Variants in TAS1R3 observed in about 807,000 individuals in gnomAD.
TAS1R3 encodes taste 1 receptor member 3, also known as taste receptor type 1 member 3.
In TAS1R3, 58 loss-of-function variants were observed where a neutral mutation model predicts 46.1. That is an observed-to-expected ratio of 1.26 (90% CI 1.02 to 1.57). The LOEUF (loss-of-function observed/expected upper bound fraction) is 1.57. Among genes scored for constraint, TAS1R3 ranks in the 40% most tolerant of loss-of-function variants. The pLI is 0.00. For synonymous variants in TAS1R3, 724 were observed against 544.7 expected, an observed-to-expected ratio of 1.33 and a Z score of -4.58; for missense variants, 1,422 against 1,185.8, an observed-to-expected ratio of 1.20 and a Z score of -2.93.
chr1:1,331,752 G>A lies in TAS1R3; in HGVS notation c.306G>A (p.Thr102=), dbSNP rs374384934. Residue 102 remains threonine, a synonymous_variant, in exon 2 of 6, where the codon ACG becomes ACA. Coordinates refer to ENST00000339381, the MANE Select transcript of TAS1R3 (RefSeq NM_152228.3). ...GCCTGGGCTACGACCTCTTTGATACGTGCTCGGAGCCTGTGGTGGCCATGA... is the reference window on the plus strand; with the variant it reads ...GCCTGGGCTACGACCTCTTTGATACATGCTCGGAGCCTGTGGTGGCCATGA... ...GLRLGYDLFD[T]CSEPVVAMKP... is the part of the protein sequence containing the mutation. The A allele has an allele frequency of 2.2e-5, 35 of 1,612,914 alleles. No individual in the cohort carries two copies. The highest frequency in any genetic ancestry group is 4.5e-5 in the East Asian group (2 of 44,886).
Position 1,332,373 on chromosome 1 carries a change from A to C in TAS1R3, c.842A>C (p.His281Pro), listed in dbSNP as rs1317341358. The C allele has an allele frequency of 8.1e-6, 13 of 1,595,614 alleles. No homozygotes were observed. Among genetic ancestry groups the C allele is most frequent in the Non-Finnish European group, 7.7e-6 (9 of 1,172,412 alleles). Residue 281 changes from histidine (H) to proline (P), a missense_variant, in exon 3 of 6, where the codon CAC becomes CCC. By Grantham distance (77) the His-to-Pro change is moderately conservative. Coordinates refer to ENST00000339381, the MANE Select transcript of TAS1R3 (RefSeq NM_152228.3). ...CTGTTCGCCTCCGTGCACGCCGCCCACGCCCTCTTCAACTACAGCATCAGC... is the reference window on the plus strand; with the variant it reads ...CTGTTCGCCTCCGTGCACGCCGCCCCCGCCCTCTTCAACTACAGCATCAGC... ...VLLFASVHAA[H>P]ALFNYSISSR...
In TAS1R3 at chr1:1,333,111, C is replaced by T. The variant is rs529665730; in HGVS notation, c.1466C>T (p.Thr489Met). 31 of 1,611,556 alleles carry T rather than the reference C, an allele frequency of 1.9e-5. No homozygotes were observed. The highest frequency in any genetic ancestry group is 7.7e-5 in the South Asian group (7 of 91,044). The change falls in exon 4 of 6, where the codon ACG becomes ATG. Residue 489 changes from threonine (T) to methionine (M), a missense_variant. Coordinates refer to ENST00000339381, the MANE Select transcript of TAS1R3 (RefSeq NM_152228.3). ...RTERLKIRWHTSDNQKPVSRC... is the reference protein window; with the variant it reads ...RTERLKIRWHMSDNQKPVSRC... Reference sequence around the variant, plus strand: ...GAGCGCCTGAAGATCCGCTGGCACACGTCTGACAACCAGGTGAGGTGAGGG... The same window carrying T: ...GAGCGCCTGAAGATCCGCTGGCACATGTCTGACAACCAGGTGAGGTGAGGG...
At position 1,333,970 on chromosome 1, in the gene TAS1R3, A is replaced by T; in HGVS notation, c.2065A>T (p.Met689Leu). 1 of 1,600,774 alleles carries T rather than the reference A, an allele frequency of 6.2e-7. No individual in the cohort carries two copies. The highest frequency in any genetic ancestry group is 1.7e-5 in the Admixed American group (1 of 59,984). ...GGCCTGGCTGGTGGTGCTGCTGGCC[A>T]TGCTGGTGGAGGTCGCACTGTGCAC... Reference protein sequence around the residue: ...PWAWLVVLLAMLVEVALCTWY... With the variant: ...PWAWLVVLLALLVEVALCTWY... The change falls in exon 6 of 6, where the codon ATG (methionine) becomes TTG (leucine). Residue 689 changes from methionine to leucine, a missense_variant. Coordinates refer to ENST00000339381, the MANE Select transcript of TAS1R3 (RefSeq NM_152228.3).
Position 1,334,255 on chromosome 1 carries a change from A to T in TAS1R3, c.2350A>T (p.Asn784Tyr). The change falls in exon 6 of 6, where the codon AAT (asparagine) becomes TAT (tyrosine). Residue 784 changes from asparagine to tyrosine, a missense_variant. Coordinates refer to ENST00000339381, the MANE Select transcript of TAS1R3 (RefSeq NM_152228.3). ...GGTCTCCTTTGTGCCCCTCCTGGCC[A>T]ATGTGCAGGTGGTCCTCAGGCCCGC... Reference protein sequence around the residue: ...TWVSFVPLLANVQVVLRPAVQ... With the variant: ...TWVSFVPLLAYVQVVLRPAVQ... The T allele has an allele frequency of 6.2e-7, 1 of 1,612,056 alleles. No individual in the cohort carries two copies. Among genetic ancestry groups the T allele is most frequent in the Non-Finnish European group, 8.5e-7 (1 of 1,179,630 alleles).
chr1:1,332,867 C>T (rs1339371619), intron 3 of TAS1R3, 54 bp from the exon 4 acceptor site: 1 of 1,587,616 alleles, frequency 6.3e-7, no homozygotes, highest in Non-Finnish European at 8.6e-7. Flanking sequence ...CAGGCACGGC[C>T]ACCACGCCTG....
chr1:1,332,722 G>A lies in TAS1R3; in HGVS notation c.1191G>A (p.Val397=), dbSNP rs755778174. 2.5e-6 allele frequency: 4 copies of A among 1,604,322 alleles called. No individual in the cohort carries two copies. The highest frequency in any genetic ancestry group is 2.2e-5 in the South Asian group (2 of 91,042). ...HHQTFSVYAA[V]YSVAQALHNT... ...AGACGTTCTCTGTCTACGCAGCTGT[G>A]TATAGCGTGGCCCAGGCCCTGCACA... Residue 397 remains valine, a synonymous_variant, in exon 3 of 6, where the codon GTG becomes GTA. Transcript: ENST00000339381.
Position 1,331,958 on chromosome 1 carries a change from A to AAACCCC in TAS1R3, c.492+20_492+21insAACCCC. 3 of 1,539,150 alleles carry AAACCCC rather than the reference A, an allele frequency of 1.9e-6. No homozygotes were observed. The highest frequency in any genetic ancestry group is 2.6e-6 in the Non-Finnish European group (3 of 1,141,690). On this transcript the variant is annotated intron_variant, in intron 2 of 5. Coordinates refer to ENST00000339381, the MANE Select transcript of TAS1R3 (RefSeq NM_152228.3). ...CCCCAGGTGGGCGCCCCCCACCATC[A>AAACCCC]CCCACCCCCACCCAGCCCTGCCCGT...
chr1:1,334,134 C>A lies in TAS1R3; in HGVS notation c.2229C>A (p.Leu743=). ...AHATNATLAF[L]CFLGTFLVRS... ...CCACCAATGCCACGCTGGCCTTTCT[C>A]TGCTTCCTGGGCACTTTCCTGGTGC... is the stretch of plus-strand genomic sequence containing the variant. The change falls in exon 6 of 6, where the codon CTC becomes CTA. Residue 743 remains leucine (L), a synonymous_variant. Transcript: ENST00000339381. 6.3e-7 allele frequency: 1 copy of A among 1,581,902 alleles called. No individual in the cohort carries two copies. Among genetic ancestry groups the A allele is most frequent in the East Asian group, 2.3e-5 (1 of 43,152 alleles).
Position 1,331,389 on chromosome 1 carries a change from T to C in TAS1R3, c.44T>C (p.Leu15Pro), listed in dbSNP as rs1397223932. ...AVLGLSLWAL[L>P]HPGTGAPLCL... ...CTGGGCCTCAGCCTCTGGGCTCTCC[T>C]GCACCCTGGGACGGGGGCCCCATTG... Residue 15 changes from leucine to proline, a missense_variant, in exon 1 of 6, where the codon CTG (leucine) becomes CCG (proline). By Grantham distance (98) the Leu-to-Pro change is moderately conservative. Coordinates refer to ENST00000339381, the MANE Select transcript of TAS1R3 (RefSeq NM_152228.3). The C allele has an allele frequency of 1.9e-6, 3 of 1,605,738 alleles. No individual in the cohort carries two copies. The highest frequency in any genetic ancestry group is 1.7e-5 in the Admixed American group (1 of 58,160).
chr1:1,332,428 C>T lies in TAS1R3; in HGVS notation c.897C>T (p.Ala299=). Residue 299 remains alanine (A), a synonymous_variant, in exon 3 of 6, where the codon GCC becomes GCT. Coordinates refer to ENST00000339381, the MANE Select transcript of TAS1R3 (RefSeq NM_152228.3). ...GGCTCTCGCCCAAGGTGTGGGTGGC[C>T]AGCGAGGCCTGGCTGACCTCTGACC... is the stretch of plus-strand genomic sequence containing the variant. ...SSRLSPKVWV[A]SEAWLTSDLV... is the part of the protein sequence containing the mutation. The T allele has an allele frequency of 1.2e-6, 2 of 1,607,128 alleles. No individual in the cohort carries two copies. The highest frequency in any genetic ancestry group is 1.7e-6 in the Non-Finnish European group (2 of 1,178,438).
rs897096238 is a variant in TAS1R3 at position 1,334,402 on chromosome 1, G to T, written c.2497G>T (p.Gly833Cys). 1.7e-5 allele frequency: 28 copies of T among 1,606,416 alleles called. No individual in the cohort carries two copies. Among genetic ancestry groups the T allele is most frequent in the Non-Finnish European group, 2.4e-5 (28 of 1,176,418 alleles). Residue 833 changes from glycine to cysteine, a missense_variant, in exon 6 of 6, where the codon GGC becomes TGC. By Grantham distance (159) the Gly-to-Cys change is radical (BLOSUM62 -3). Coordinates refer to ENST00000339381, the MANE Select transcript of TAS1R3 (RefSeq NM_152228.3). ...LNTPEFFLGG[G>C]PGDAQGQNDG... ...CACCCCCGAGTTCTTCCTGGGAGGG[G>T]GCCCTGGGGATGCCCAAGGCCAGAA...
At position 1,331,698 on chromosome 1, in the gene TAS1R3, C is replaced by T; in HGVS notation, c.252C>T (p.Asn84=). The change falls in exon 2 of 6, where the codon AAC becomes AAT. Residue 84 remains asparagine, a synonymous_variant. Coordinates refer to ENST00000339381, the MANE Select transcript of TAS1R3 (RefSeq NM_152228.3). The part of the protein sequence containing the change: ...LAMKMAVEEI[N]NKSDLLPGLR... Reference sequence around the variant, plus strand: ...TGAAAATGGCCGTGGAGGAGATCAACAACAAGTCGGATCTGCTGCCCGGGC... The same window carrying T: ...TGAAAATGGCCGTGGAGGAGATCAATAACAAGTCGGATCTGCTGCCCGGGC... 1.9e-6 allele frequency: 3 copies of T among 1,612,926 alleles called. No individual in the cohort carries two copies. Among genetic ancestry groups the T allele is most frequent in the South Asian group, 1.1e-5 (1 of 91,080 alleles).
chr1:1,332,189 C>G lies in TAS1R3; in HGVS notation c.658C>G (p.Arg220Gly). The G allele has an allele frequency of 6.3e-7, 1 of 1,595,748 alleles. No individual in the cohort carries two copies. The change falls in exon 3 of 6, where the codon CGG becomes GGG. Residue 220 changes from arginine to glycine, a missense_variant. Transcript: ENST00000339381. ...AALGSDDEYG[R>G]QGLSIFSALA... ...CCTGGGCAGCGACGACGAGTACGGCCGGCAGGGCCTGAGCATCTTCTCGGC... is the reference window on the plus strand; with the variant it reads ...CCTGGGCAGCGACGACGAGTACGGCGGGCAGGGCCTGAGCATCTTCTCGGC...
rs760530480 is a variant in TAS1R3 at position 1,332,259 on chromosome 1, T to C, written c.728T>C (p.Val243Ala). The change falls in exon 3 of 6, where the codon GTG becomes GCG. Residue 243 changes from valine (V) to alanine (A), a missense_variant. Physicochemically the swap from Val to Ala is moderately conservative, Grantham distance 64. Coordinates refer to ENST00000339381, the MANE Select transcript of TAS1R3 (RefSeq NM_152228.3). The stretch of plus-strand genomic sequence containing the variant: ...ATCTGCATCGCGCACGAGGGCCTGG[T>C]GCCGCTGCCCCGTGCCGATGACTCG... ...RGICIAHEGL[V>A]PLPRADDSRL... The C allele has an allele frequency of 8.8e-6, 14 of 1,598,198 alleles. No individual in the cohort carries two copies. The South Asian group carries it at 8.8e-5, about 10-fold the overall frequency.
chr1:1,334,019 C>T lies in TAS1R3; in HGVS notation c.2114C>T (p.Pro705Leu), dbSNP rs571862161. 109 of 1,601,262 alleles carry T rather than the reference C, an allele frequency of 6.8e-5. No homozygotes were observed. Among genetic ancestry groups the T allele is most frequent in the East Asian group, 5.6e-4 (25 of 44,858 alleles). ...ACCTGGTACCTGGTGGCCTTCCCGCCGGAGGTGGTGACGGACTGGCACATG... is the reference window on the plus strand; with the variant it reads ...ACCTGGTACCTGGTGGCCTTCCCGCTGGAGGTGGTGACGGACTGGCACATG... ...LCTWYLVAFP[P>L]EVVTDWHMLP... Residue 705 changes from proline (P) to leucine (L), a missense_variant, in exon 6 of 6, where the codon CCG (proline) becomes CTG (leucine). Transcript: ENST00000339381.
rs368111530 is a variant in TAS1R3, at chr1:1,333,112, G to A, written c.1467G>A (p.Thr489=). Residue 489 remains threonine, a synonymous_variant, in exon 4 of 6, where the codon ACG becomes ACA. Coordinates refer to ENST00000339381, the MANE Select transcript of TAS1R3 (RefSeq NM_152228.3). The stretch of plus-strand genomic sequence containing the variant: ...AGCGCCTGAAGATCCGCTGGCACAC[G>A]TCTGACAACCAGGTGAGGTGAGGGT... ...RTERLKIRWH[T]SDNQKPVSRC... is the part of the protein sequence containing the mutation. 32 of 1,611,444 alleles carry A rather than the reference G, an allele frequency of 2.0e-5. No individual in the cohort carries two copies. Among genetic ancestry groups the A allele is most frequent in the Admixed American group, 3.3e-5 (2 of 59,948 alleles).
Position 1,334,308 on chromosome 1 carries a change from T to C in TAS1R3, c.2403T>C (p.Cys801=), listed in dbSNP as rs746083552. Residue 801 remains cysteine, a synonymous_variant, in exon 6 of 6, where the codon TGT becomes TGC. Coordinates refer to ENST00000339381, the MANE Select transcript of TAS1R3 (RefSeq NM_152228.3). ...TGCAGATGGGCGCCCTCCTGCTCTG[T>C]GTCCTGGGCATCCTGGCTGCCTTCC... ...PAVQMGALLL[C]VLGILAAFHL... 2.5e-6 allele frequency: 4 copies of C among 1,611,746 alleles called. No homozygotes were observed. In the South Asian group the frequency reaches 4.4e-5, roughly 18 times the overall value.
Position 1,334,143 on chromosome 1 carries a change from G to A in TAS1R3, c.2238G>A (p.Leu746=), listed in dbSNP as rs146312553. 6 of 1,583,040 alleles carry A rather than the reference G, an allele frequency of 3.8e-6. No homozygotes were observed. Among genetic ancestry groups the A allele is most frequent in the East Asian group, 2.3e-5 (1 of 43,248 alleles). Reference sequence around the variant, plus strand: ...CCACGCTGGCCTTTCTCTGCTTCCTGGGCACTTTCCTGGTGCGGAGCCAGC... The same window carrying A: ...CCACGCTGGCCTTTCTCTGCTTCCTAGGCACTTTCCTGGTGCGGAGCCAGC... ...TNATLAFLCF[L]GTFLVRSQPG... is the part of the protein sequence containing the mutation. Residue 746 remains leucine (L), a synonymous_variant, in exon 6 of 6, where the codon CTG becomes CTA. Transcript: ENST00000339381.
At chr1:1,331,961 C>G (rs1414174957) in intron 2 of TAS1R3, 23 bp downstream of exon 2, 1 of 1,594,284 alleles carries the variant, frequency 6.3e-7, no homozygotes, top group East Asian at 2.2e-5. Flanking sequence ...CACCATCACC[C>G]ACCCCCACCC....
Sources: gnomAD v4.1 joint callset for allele counts on GRCh38, gnomAD v4.1.1 for gene constraint, MANE v1.5 for transcripts, NCBI Gene and HGNC (gene_info 2026-07-23, HGNC 2026-07-21) for gene names.